GRM7: variants seen among roughly 807,000 people sequenced by gnomAD.
The protein encoded by GRM7 is glutamate metabotropic receptor 7.
Under a neutral mutation model 84.5 loss-of-function variants are expected in GRM7, and 35 were observed. The ratio of observed to expected loss-of-function variants is 0.41; its 90% CI spans 0.32 to 0.55. The LOEUF (loss-of-function observed/expected upper bound fraction) is 0.55, where lower values mean the gene tolerates loss of function less well. GRM7 is among the 20% of genes least tolerant of loss of function. GRM7 has a pLI of 0.19. For synonymous variants in GRM7, 487 were observed against 455.1 expected (o/e 1.07, Z -0.89); for missense variants, 1,003 against 1,194.6 (o/e 0.84, Z 2.36).
intron 4 of GRM7, among the ~76,000 whole-genome samples, chr3:7,306,873 T>C (rs1700212830): frequency 1.3e-5 from 2 of 152,194 alleles, no homozygotes; most frequent in African/African-American, 4.8e-5. Context: ...ATATCACGAT[T>C]AGCAAAAACA....
At chr3:7,201,682 C>T (rs1295155931) in intron 2 of GRM7, among the ~76,000 whole-genome samples, 1 of 152,172 alleles carries the variant, frequency 6.6e-6, no homozygotes, top group Non-Finnish European at 1.5e-5. Context: ...TTATCCTCAA[C>T]ACATAGATGA....
At chr3:6,948,236 G>T (rs1698166308) in intron 1 of GRM7, among the ~76,000 whole-genome samples, 1 of 152,082 alleles carries the variant, frequency 6.6e-6, no homozygotes, top group South Asian at 2.1e-4. Context: ...ATGTGTCCCA[G>T]AGATTCTGGT....
chr3:7,042,964 T>C (rs1177717696), intron 1 of GRM7, among the ~76,000 whole-genome samples: 1 of 152,224 alleles, frequency 6.6e-6, no homozygotes, highest in Non-Finnish European at 1.5e-5. Context: ...TCATCCTTTT[T>C]CATCTTTCTT....
Position 6,862,350 on chromosome 3 carries a change from T to A in GRM7, c.519+443T>A, listed in dbSNP as rs534038393. On this transcript the variant is annotated intron_variant, in intron 1 of 9. Coordinates refer to ENST00000357716, the MANE Select transcript of GRM7 (RefSeq NM_000844.4). This position sits in a 1 kb window ranked among gnomAD's most constrained non-coding sequence, Gnocchi z 5.2. ...CCAGCTTCCCACCCCCAAGCCAGCC[T>A]GCCAACCTGCACTCCCTTGAAAAAT... is the stretch of plus-strand genomic sequence containing the variant. Among the ~76,000 whole-genome samples, 1 of 152,044 alleles carries A rather than the reference T, an allele frequency of 6.6e-6. No individual in the cohort carries two copies. Among genetic ancestry groups the A allele is most frequent in the South Asian group, 2.1e-4 (1 of 4,810 alleles).
rs1281314629 is a variant in GRM7, at chr3:7,148,669, G to T, written c.736+2001G>T. Among the ~76,000 whole-genome samples, 3 of 152,146 alleles carry T rather than the reference G, an allele frequency of 2.0e-5. No individual in the cohort carries two copies. In the East Asian group the frequency reaches 5.8e-4, roughly 29 times the overall value. ...ACTTAAAACATTAATATCTGAGTTTGCTATTATATATAATGACTCTTCAAA... is the reference window on the plus strand; with the variant it reads ...ACTTAAAACATTAATATCTGAGTTTTCTATTATATATAATGACTCTTCAAA... On this transcript the variant is annotated intron_variant, in intron 2 of 9. Transcript: ENST00000357716.
intron 5 of GRM7, among the ~76,000 whole-genome samples, chr3:7,423,174 G>A (rs1696466928): frequency 6.6e-6 from 1 of 152,246 alleles, no homozygotes; most frequent in East Asian, 1.9e-4. Flanking sequence ...CTACCATACA[G>A]CACTTTAAGT....
chr3:7,330,693 A>G (rs942250734), intron 4 of GRM7, among the ~76,000 whole-genome samples: 3 of 152,108 alleles, frequency 2.0e-5, no homozygotes, highest in Non-Finnish European at 4.4e-5. Context: ...TTCACCTTCC[A>G]CCATGATTCT....
intron 3 of GRM7, among the ~76,000 whole-genome samples, chr3:7,299,545 G>A (rs900529168): frequency 2.0e-5 from 3 of 152,022 alleles, no homozygotes; most frequent in Non-Finnish European, 4.4e-5. Context: ...CCATCTTGTC[G>A]CATAGCTAAC....
intron 1 of GRM7, among the ~76,000 whole-genome samples, chr3:7,099,274 AATACATGTATTATACATGTATATATGT>A (rs1559438830): frequency 1.1e-4 from 8 of 75,998 alleles, no homozygotes; most frequent in South Asian, 3.3e-4. Context: ...TGTATATATG[AATACATGTATTATACATGTATATATGT>A]ACACATGTAT....
chr3:7,262,000 A>G (rs1698448198), intron 2 of GRM7, among the ~76,000 whole-genome samples: 1 of 146,962 alleles, frequency 6.8e-6, no homozygotes, highest in African/African-American at 2.5e-5. Context: ...TAGGCCCCCA[A>G]TCTCTTGCTG....
chr3:7,538,615 T>A (rs1692693080), intron 7 of GRM7, among the ~76,000 whole-genome samples: 1 of 152,194 alleles, frequency 6.6e-6, no homozygotes, highest in South Asian at 2.1e-4. Flanking sequence ...TTTTAAAATA[T>A]TAGTAAAATT....
intron 4 of GRM7, among the ~76,000 whole-genome samples, chr3:7,402,808 T>G (rs1416334923): frequency 6.7e-6 from 1 of 148,474 alleles, no homozygotes; most frequent in Non-Finnish European, 1.5e-5. Flanking sequence ...TGTTTTCCTT[T>G]TTTTTTTTTT....
intron 8 of GRM7, among the ~76,000 whole-genome samples, chr3:7,668,147 C>T (rs1699774884): frequency 6.6e-6 from 1 of 152,156 alleles, no homozygotes; most frequent in Non-Finnish European, 1.5e-5. Flanking sequence ...CAGCAGAGTC[C>T]ACTCCTCCTC....
chr3:7,109,571 C>T (rs937841319), intron 1 of GRM7, among the ~76,000 whole-genome samples: 4 of 152,076 alleles, frequency 2.6e-5, no homozygotes, highest in Admixed American at 1.3e-4. Context: ...AATGATAGCA[C>T]CAAATGGTAC....
At chr3:7,716,633 G>T (rs185526976) in intron 9 of GRM7, among the ~76,000 whole-genome samples, 4 of 152,270 alleles carry the variant, frequency 2.6e-5, no homozygotes, top group Admixed American at 2.6e-4. Context: ...CCCCAGTCTA[G>T]CCTGAATACC....
In GRM7 at chr3:7,093,699, AAAAAAAAAAAAAAAAG is replaced by A. The variant is rs1396526171; in HGVS notation, c.520-52752_520-52737del. Among the ~76,000 whole-genome samples, 450 of 96,888 alleles carry A rather than the reference AAAAAAAAAAAAAAAAG, an allele frequency of 4.6e-3. 25 individuals are homozygous for A. Among genetic ancestry groups the A allele is most frequent in the African/African-American group, 9.8e-3 (247 of 25,078 alleles). 63.6% of individuals were successfully genotyped at this position (96,888 alleles called of 152,430 possible). ...CTCAAAAAAAAAAAAAAAAAAAAAA[AAAAAAAAAAAAAAAAG>A]GTAGTTAGTGGCCTTTGCTCTTTTA... On this transcript the variant is annotated intron_variant, in intron 1 of 9. Transcript: ENST00000357716.
At chr3:7,136,835 G>A (rs1473008425) in intron 1 of GRM7, among the ~76,000 whole-genome samples, 4 of 151,966 alleles carry the variant, frequency 2.6e-5, no homozygotes, top group African/African-American at 7.3e-5. Context: ...CTTCCATAAG[G>A]GTAAATACTC....
At chr3:7,198,870 A>G (rs1265641572) in intron 2 of GRM7, among the ~76,000 whole-genome samples, 2 of 152,156 alleles carry the variant, frequency 1.3e-5, no homozygotes, top group Non-Finnish European at 2.9e-5. Context: ...CAAAAAGTTT[A>G]CTCCTCAAAA....
intron 4 of GRM7, among the ~76,000 whole-genome samples, chr3:7,351,153 C>T (rs1693122927): frequency 6.6e-6 from 1 of 151,914 alleles, no homozygotes; most frequent in South Asian, 2.1e-4. Context: ...TTAATGCAAA[C>T]AGGTTCTTTG....
Sources: allele counts gnomAD v4.1 joint callset (sites outside exome capture counted in the v4.1 genomes callset), GRCh38; gene constraint gnomAD v4.1.1; non-coding constraint Gnocchi (gnomAD v3.1); transcripts MANE v1.5; gene names NCBI Gene and HGNC (gene_info 2026-07-23, HGNC 2026-07-21).